Variants in LDB2 observed in about 807,000 individuals in gnomAD.
LDB2 encodes LIM domain binding 2.
In LDB2, 12 loss-of-function variants were observed where a neutral mutation model predicts 44.3. The ratio of observed to expected loss-of-function variants is 0.27; its 90% CI spans 0.17 to 0.44. LDB2 has a LOEUF of 0.44. Among genes scored for constraint, LDB2 ranks in the 20% least tolerant of loss-of-function variants. The pLI is 1.00. For synonymous variants in LDB2, 164 were observed against 174.8 expected (o/e 0.94, Z 0.49); for missense variants, 344 against 473.5 (o/e 0.73, Z 2.54).
chr4:16,505,348 A>T (rs891798557), intron 7 of LDB2, among the ~76,000 whole-genome samples: 30 of 149,744 alleles, frequency 2.0e-4, no homozygotes, highest in South Asian at 1.7e-3. Flanking sequence ...TGTGTGTGTG[A>T]GAGAGAGAGA....
At chr4:16,707,285 A>C (rs1266401759) in intron 2 of LDB2, among the ~76,000 whole-genome samples, 1 of 152,200 alleles carries the variant, frequency 6.6e-6, no homozygotes, top group Non-Finnish European at 1.5e-5. Flanking sequence ...TATTATACAC[A>C]TTTTGGCAAA....
At chr4:16,754,333 G>A (rs1165996801) in intron 2 of LDB2, among the ~76,000 whole-genome samples, 2 of 152,178 alleles carry the variant, frequency 1.3e-5, no homozygotes, top group Non-Finnish European at 2.9e-5. Flanking sequence ...GGGAGCCTCG[G>A]CATCAGGCTG....
At chr4:16,712,701 A>C (rs1756181498) in intron 2 of LDB2, among the ~76,000 whole-genome samples, 1 of 152,204 alleles carries the variant, frequency 6.6e-6, no homozygotes, top group East Asian at 1.9e-4. Flanking sequence ...ATAATCATAC[A>C]ATCACAACTA....
chr4:16,537,845 G>A (rs16893611), intron 5 of LDB2, among the ~76,000 whole-genome samples: 11,846 of 152,208 alleles, frequency 0.078, 500 homozygotes, highest in South Asian at 0.17. Flanking sequence ...CTCCGGTTCC[G>A]CTTAGATGCC....
At chr4:16,897,920 ATATATATATATATATATACACATATG>A (rs1725665859) in intron 1 of LDB2, among the ~76,000 whole-genome samples, 2 of 17,476 alleles carry the variant, frequency 1.1e-4, no homozygotes, top group Admixed American at 1.1e-3. Context: ...ATATATATAT[ATATATATATATATATATACACATATG>A]TATATATATA....
intron 1 of LDB2, among the ~76,000 whole-genome samples, chr4:16,885,834 A>T (rs1156545216): frequency 1.3e-5 from 2 of 152,212 alleles, no homozygotes; most frequent in African/African-American, 4.8e-5. Flanking sequence ...AAGACTTCTG[A>T]CTAGTACTAA....
chr4:16,664,096 A>G (rs1742363329), intron 2 of LDB2, among the ~76,000 whole-genome samples: 1 of 152,146 alleles, frequency 6.6e-6, no homozygotes, highest in Non-Finnish European at 1.5e-5. Flanking sequence ...TGTCCCCCAA[A>G]ATTCATATCC....
At chr4:16,659,371 T>C (rs1327387758) in intron 2 of LDB2, among the ~76,000 whole-genome samples, 1 of 152,200 alleles carries the variant, frequency 6.6e-6, no homozygotes, top group Non-Finnish European at 1.5e-5. Flanking sequence ...GCCTCACCAC[T>C]GAAGTCAACA....
chr4:16,542,914 TCCCTCCC>T (rs1734349831), intron 5 of LDB2, among the ~76,000 whole-genome samples: 1 of 114,922 alleles, frequency 8.7e-6, no homozygotes, highest in African/African-American at 3.4e-5. Flanking sequence ...CCTAATGCTA[TCCCTCCC>T]CCCTCCCCCC....
chr4:16,750,464 C>G (rs746552325), intron 2 of LDB2, among the ~76,000 whole-genome samples: 1 of 152,346 alleles, frequency 6.6e-6, no homozygotes, highest in East Asian at 1.9e-4. Context: ...CATCCTCACT[C>G]CCAACCTCTG....
At chr4:16,592,505 T>TATATATATATATATAC (rs757702164) in intron 3 of LDB2, among the ~76,000 whole-genome samples, 3 of 108,056 alleles carry the variant, frequency 2.8e-5, no homozygotes, top group Non-Finnish European at 5.4e-5. Flanking sequence ...TATATATATA[T>TATATATATATATATAC]ACACACACAC....
At chr4:16,567,884 GGTTA>G (rs1270487138) in intron 5 of LDB2, among the ~76,000 whole-genome samples, 2 of 152,084 alleles carry the variant, frequency 1.3e-5, no homozygotes, top group African/African-American at 4.8e-5. Flanking sequence ...AGATAGTGAG[GGTTA>G]GTTAAATGGC....
At chr4:16,581,486 C>T (rs1714435230) in intron 5 of LDB2, 1 of 966,438 alleles carries the variant, frequency 1.0e-6, no homozygotes, top group Non-Finnish European at 1.2e-6. Context: ...TGGCTCAAAA[C>T]ACCTACTTTT....
intron 1 of LDB2, among the ~76,000 whole-genome samples, chr4:16,864,949 C>T (rs1714158248): frequency 6.6e-6 from 1 of 151,542 alleles, no homozygotes; most frequent in South Asian, 2.1e-4. Flanking sequence ...AAAAATAGTC[C>T]ATACCATATA....
At chr4:16,585,529 G>A (rs946245913) in intron 5 of LDB2, among the ~76,000 whole-genome samples, 15 of 152,124 alleles carry the variant, frequency 9.9e-5, no homozygotes, top group African/African-American at 3.6e-4. Context: ...GACTCTATGG[G>A]GCAGTATATT....
At chr4:16,806,207 A>T (rs534076741) in intron 1 of LDB2, among the ~76,000 whole-genome samples, 4 of 152,352 alleles carry the variant, frequency 2.6e-5, no homozygotes, top group African/African-American at 9.6e-5. Context: ...GTTCCTGAGC[A>T]GCCAATTAAC....
intron 1 of LDB2, among the ~76,000 whole-genome samples, chr4:16,782,601 C>T (rs539912855): frequency 2.0e-5 from 3 of 152,278 alleles, no homozygotes; most frequent in South Asian, 2.1e-4. Context: ...CCTCCTGCCT[C>T]GGCCTCCCAA....
At chr4:16,525,400 A>G (rs573671215) in intron 5 of LDB2, among the ~76,000 whole-genome samples, 2 of 152,334 alleles carry the variant, frequency 1.3e-5, no homozygotes, top group Non-Finnish European at 2.9e-5. Context: ...ATAATGCAGC[A>G]CTCAGCTGCT....
intron 1 of LDB2, among the ~76,000 whole-genome samples, chr4:16,797,935 T>G (rs920928633): frequency 2.0e-5 from 3 of 150,190 alleles, no homozygotes; most frequent in African/African-American, 7.4e-5. Flanking sequence ...CTTGGGAGGC[T>G]GAGGCAGGAG....
Sources: allele counts gnomAD v4.1 joint callset (sites outside exome capture counted in the v4.1 genomes callset), GRCh38; gene constraint gnomAD v4.1.1; transcripts MANE v1.5; gene names NCBI Gene and HGNC (gene_info 2026-07-23, HGNC 2026-07-21).